The following ADAMTS13 variants were observed in gnomAD, a reference collection of about 807,000 sequenced individuals.
ADAMTS13 encodes the protein ADAM metallopeptidase with thrombospondin type 1 motif 13.
Under a neutral mutation model 155.1 loss-of-function variants are expected in ADAMTS13, and 110 were observed. That is an observed-to-expected ratio of 0.71 (90% CI 0.61 to 0.83). ADAMTS13 has a LOEUF of 0.83. Ranked by LOEUF, ADAMTS13 falls within the 40% of genes least tolerant of loss-of-function variation. The pLI is 0.00. For synonymous variants in ADAMTS13, 758 were observed against 756.4 expected (o/e 1.00, Z -0.03); for missense variants, 1,707 against 1,891.7 (o/e 0.90, Z 1.81).
At chr9:133,453,919 C>G (rs1038922463) in intron 23 of ADAMTS13, among the ~76,000 whole-genome samples, 3 of 152,066 alleles carry the variant, frequency 2.0e-5, no homozygotes, top group Admixed American at 6.5e-5. Context: ...GATGAAGATC[C>G]CAGCTCCCTT....
rs1380876596 is a variant in ADAMTS13, at chr9:133,438,248, A to G, written c.1587A>G (p.Thr529=). The change falls in exon 14 of 29, where the codon ACA becomes ACG. Residue 529 remains threonine, a splice_region_variant and synonymous_variant. Transcript: ENST00000355699. ...CCTCTGTCCTTCCCTTTGCATAGAC[A>G]TTTGGCTGTGATGGTAGGATGGACT... The part of the protein sequence containing the change: ...LSLCVSGSCR[T]FGCDGRMDSQ... The G allele has an allele frequency of 4.3e-6, 7 of 1,613,970 alleles. No homozygotes were observed. The Admixed American group carries it at 5.0e-5, about 12-fold the overall frequency.
chr9:133,449,361 A>G (rs1486882867), intron 22 of ADAMTS13, among the ~76,000 whole-genome samples: 1 of 150,404 alleles, frequency 6.6e-6, no homozygotes, highest in Non-Finnish European at 1.5e-5. Flanking sequence ...ACAGATAATA[A>G]TAGGACAGGC....
chr9:133,430,163 G>C (rs782183226), intron 8 of ADAMTS13, 62 bp downstream of exon 8: 3 of 1,538,848 alleles, frequency 1.9e-6, no homozygotes, highest in Non-Finnish European at 2.6e-6. Context: ...CCCAGCTCAC[G>C]TCCCCCAAAA....
upstream of ADAMTS13, among the ~76,000 whole-genome samples, chr9:133,419,547 G>A (rs782642794): frequency 4.6e-5 from 7 of 152,148 alleles, no homozygotes; most frequent in Non-Finnish European, 5.9e-5. Flanking sequence ...CTCCAGGGGC[G>A]AAGCAGCAGA....
At position 133,424,718 on chromosome 9, in the gene ADAMTS13, GC is replaced by G. The variant is rs1343628328; in HGVS notation, c.330+242del. Among the ~76,000 whole-genome samples, 1 of 152,094 alleles carries G rather than the reference GC, an allele frequency of 6.6e-6. No homozygotes were observed. The highest frequency in any genetic ancestry group is 1.5e-5 in the Non-Finnish European group (1 of 68,024). ...CACTACTCAAGTCCCTTCACCTGGG[GC>G]CACCCTCAAGCCTGGCCTCTTCCCC... On this transcript the variant is annotated intron_variant, in intron 3 of 28. Coordinates refer to ENST00000355699, the MANE Select transcript of ADAMTS13 (RefSeq NM_139027.6). This position sits in a 1 kb window ranked among gnomAD's most constrained non-coding sequence, Gnocchi z 4.3.
In ADAMTS13 at chr9:133,428,745, C is replaced by T; in HGVS notation, c.798C>T (p.Ser266=). 7.4e-7 allele frequency: 1 copy of T among 1,358,130 alleles called. No individual in the cohort carries two copies. The highest frequency in any genetic ancestry group is 9.5e-7 in the Non-Finnish European group (1 of 1,052,012). 84.1% of individuals were successfully genotyped at this position (1,358,130 alleles called of 1,614,324 possible). A position where few individuals can be genotyped will look rare whatever the true frequency, so the allele number is the denominator to read the frequency against. ...PRAGLAWSPC[S]RRQLLSLLSA... The stretch of plus-strand genomic sequence containing the variant: ...CCGGCCTCGCCTGGTCCCCCTGCAG[C>T]CGCCGGCAGCTGCTGAGCCTGCTCA... Residue 266 remains serine, a synonymous_variant, in exon 7 of 29, where the codon AGC becomes AGT. Transcript: ENST00000355699.
chr9:133,456,742 TC>T lies in ADAMTS13; in HGVS notation c.3724+26del. The T allele has an allele frequency of 1.3e-6, 2 of 1,551,700 alleles. No homozygotes were observed. Among genetic ancestry groups the T allele is most frequent in the Non-Finnish European group, 1.7e-6 (2 of 1,147,224 alleles). On this transcript the variant is annotated intron_variant, in intron 27 of 28. Transcript: ENST00000355699. The surrounding 1 kb of genome is among the most constrained non-coding windows in gnomAD (Gnocchi z 4.4). Reference sequence around the variant, plus strand: ...GAGGTATGGCCAGGCCTTCTCCACCTCCCTTGGGTGCTCCAGTCCTGGCAGG... The same window carrying T: ...GAGGTATGGCCAGGCCTTCTCCACCTCCTTGGGTGCTCCAGTCCTGGCAGG...
At position 133,445,111 on chromosome 9, in the gene ADAMTS13, A is replaced by G. The variant is rs1841969227; in HGVS notation, c.2610+59A>G. ...GTTGAGTCCTTTACCTGGCTGGGAG[A>G]ACGAGGAGCACCCATTGCCACCGTC... On this transcript the variant is annotated intron_variant, in intron 20 of 28. Coordinates refer to ENST00000355699, the MANE Select transcript of ADAMTS13 (RefSeq NM_139027.6). The surrounding 1 kb of genome is among the most constrained non-coding windows in gnomAD (Gnocchi z 5.0). 7 of 1,561,448 alleles carry G rather than the reference A, an allele frequency of 4.5e-6. No individual in the cohort carries two copies. The highest frequency in any genetic ancestry group is 4.3e-6 in the Non-Finnish European group (5 of 1,153,480).
In ADAMTS13 at chr9:133,428,672, G is replaced by A; in HGVS notation, c.725G>A (p.Cys242Tyr). The change falls in exon 7 of 29, where the codon TGC (cysteine) becomes TAC (tyrosine). Residue 242 changes from cysteine (C) to tyrosine (Y), a missense_variant. Cys to Tyr is a radical substitution (Grantham distance 194). Transcript: ENST00000355699. ...CACGACGGCGCGCCCGGCAGCGGCT[G>A]CGGCCCCAGCGGACACGTGATGGCT... ...LEHDGAPGSG[C>Y]GPSGHVMASD... 7.3e-7 allele frequency: 1 copy of A among 1,360,596 alleles called. No individual in the cohort carries two copies. The highest frequency in any genetic ancestry group is 9.5e-7 in the Non-Finnish European group (1 of 1,053,102). 84.3% of individuals were successfully genotyped at this position (1,360,596 alleles called of 1,614,324 possible). A position where few individuals can be genotyped will look rare whatever the true frequency, so the allele number is the denominator to read the frequency against.
In ADAMTS13 at chr9:133,459,219, G is replaced by C. The variant is rs1554797237; in HGVS notation, c.*39G>C. The C allele has an allele frequency of 6.4e-7, 1 of 1,556,530 alleles. No individual in the cohort carries two copies. The highest frequency in any genetic ancestry group is 8.7e-7 in the Non-Finnish European group (1 of 1,143,880). ...TTTGTTCCGTGTCTGGCCAGCCCTG[G>C]AGGGTTGACCCCTGGTCTCAGTGCT... On this transcript the variant is annotated 3_prime_UTR_variant, in exon 29 of 29. Transcript: ENST00000355699.
In ADAMTS13 at chr9:133,423,131, G is replaced by A. The variant is rs201522226; in HGVS notation, c.136G>A (p.Val46Met). The change falls in exon 2 of 29, where the codon GTG becomes ATG. Residue 46 changes from valine (V) to methionine (M), a missense_variant. Coordinates refer to ENST00000355699, the MANE Select transcript of ADAMTS13 (RefSeq NM_139027.6). ...SCLQALEPQA[V>M]SSYLSPGAPL... ...TCTTCAGGCTTTGGAGCCACAGGCCGTGTCTTCTTACTTGAGCCCTGGTGC... is the reference window on the plus strand; with the variant it reads ...TCTTCAGGCTTTGGAGCCACAGGCCATGTCTTCTTACTTGAGCCCTGGTGC... The A allele has an allele frequency of 1.4e-4, 231 of 1,613,594 alleles. No individual in the cohort carries two copies. The highest frequency in any genetic ancestry group is 1.7e-4 in the Non-Finnish European group (206 of 1,179,926).
chr9:133,446,935 G>C (rs1554792828), intron 21 of ADAMTS13, among the ~76,000 whole-genome samples: 2 of 152,134 alleles, frequency 1.3e-5, no homozygotes, highest in African/African-American at 4.8e-5. Flanking sequence ...TTGGCTCATT[G>C]TAACCTTCGC....
Position 133,425,579 on chromosome 9 carries a change from C to T in ADAMTS13, c.381C>T (p.His127=). The change falls in exon 4 of 29, where the codon CAC becomes CAT. Residue 127 remains histidine (H), a synonymous_variant. Transcript: ENST00000355699. This position sits in a 1 kb window ranked among gnomAD's most constrained non-coding sequence, Gnocchi z 4.6. The part of the protein sequence containing the change: ...DPSLGAQFRV[H]LVKMVILTEP... ...CCCTGGGGGCTCAGTTTCGGGTGCA[C>T]CTGGTGAAGATGGTCATTCTGACAG... 1 of 1,613,702 alleles carries T rather than the reference C, an allele frequency of 6.2e-7. No homozygotes were observed. Among genetic ancestry groups the T allele is most frequent in the Non-Finnish European group, 8.5e-7 (1 of 1,179,996 alleles).
chr9:133,417,099 C>T (rs942292513), upstream of ADAMTS13, among the ~76,000 whole-genome samples: 8 of 152,236 alleles, frequency 5.3e-5, no homozygotes, highest in African/African-American at 1.9e-4. Context: ...CTGCCTCTGC[C>T]TCCCGGGTTC....
At chr9:133,452,704 C>G (rs1329066702) in intron 23 of ADAMTS13, among the ~76,000 whole-genome samples, 4 of 151,922 alleles carry the variant, frequency 2.6e-5, no homozygotes, top group Middle Eastern at 3.2e-3. Context: ...GAGATGGGGT[C>G]TCACTATGTT....
At chr9:133,418,585 A>G (rs1176926748), upstream of ADAMTS13, among the ~76,000 whole-genome samples, 2 of 152,200 alleles carry the variant, frequency 1.3e-5, no homozygotes, top group African/African-American at 4.8e-5. Flanking sequence ...CTGAGTGAGC[A>G]ATTCCTGTCC....
At chr9:133,430,260 G>C in intron 8 of ADAMTS13, 159 bp downstream of exon 8, 1 of 937,814 alleles carries the variant, frequency 1.1e-6, no homozygotes, top group East Asian at 2.6e-5. Flanking sequence ...GTGCCCTCTA[G>C]AAATTATTTA....
At position 133,449,897 on chromosome 9, in the gene ADAMTS13, CACCCA is replaced by C; in HGVS notation, c.2977_2981del (p.Thr993ValfsTer21). The C allele has an allele frequency of 6.2e-7, 1 of 1,613,758 alleles. No individual in the cohort carries two copies. Among genetic ancestry groups the C allele is most frequent in the Non-Finnish European group, 8.5e-7 (1 of 1,179,984 alleles). ...ACGATGGTGAGGAGATCCTGTTGGA[CACCCA>C]GTGCCAGGGGCTGCCTCGCCCGGAA... On this transcript the variant is annotated frameshift_variant, in exon 23 of 29. Coordinates refer to ENST00000355699, the MANE Select transcript of ADAMTS13 (RefSeq NM_139027.6). LOFTEE classifies it high-confidence loss of function.
chr9:133,456,187 C>T lies in ADAMTS13; in HGVS notation c.3519C>T (p.Val1173=). 1 of 1,613,576 alleles carries T rather than the reference C, an allele frequency of 6.2e-7. No homozygotes were observed. Among genetic ancestry groups the T allele is most frequent in the Non-Finnish European group, 8.5e-7 (1 of 1,180,028 alleles). The change falls in exon 26 of 29, where the codon GTC becomes GTT. Residue 1173 remains valine, a synonymous_variant. Coordinates refer to ENST00000355699, the MANE Select transcript of ADAMTS13 (RefSeq NM_139027.6). This position sits in a 1 kb window ranked among gnomAD's most constrained non-coding sequence, Gnocchi z 4.4. ...TCGGGGAGGTGGTGACCCTCCGCGT[C>T]CTTGAGAGTTCTCTCAACTGCAGTG... ...RPLGEVVTLR[V]LESSLNCSAG... is the part of the protein sequence containing the mutation.
Sources: gnomAD v4.1 joint callset for allele counts (sites outside exome capture counted in the v4.1 genomes callset) on GRCh38, gnomAD v4.1.1 for gene constraint, Gnocchi (gnomAD v3.1) non-coding constraint, MANE v1.5 for transcripts, NCBI Gene and HGNC (gene_info 2026-07-23, HGNC 2026-07-21) for gene names.